ABR: variants seen among roughly 807,000 people sequenced by gnomAD.
The protein encoded by ABR is active breakpoint cluster region-related protein.
In ABR, 35 loss-of-function variants were observed where a neutral mutation model predicts 107.2. The observed-to-expected ratio is 0.33, with a 90% CI of 0.25 to 0.43. The LOEUF is 0.43. Among genes scored for constraint, ABR ranks in the 20% least tolerant of loss-of-function variants. ABR has a pLI of 1.00. For missense variants in ABR, 815 were observed against 1,115.2 expected, an observed-to-expected ratio of 0.73 and a Z score of 3.83; for synonymous variants, 498 against 462.0, an observed-to-expected ratio of 1.08 and a Z score of -1.00.
At chr17:1,144,220 C>T (rs748357133) in intron 1 of ABR, among the ~76,000 whole-genome samples, 6 of 152,148 alleles carry the variant, frequency 3.9e-5, no homozygotes, top group African/African-American at 9.7e-5. Flanking sequence ...ATATTGCAGA[C>T]GGGCCGTATA....
chr17:1,168,952 C>T (rs1414011133), intron 1 of ABR, among the ~76,000 whole-genome samples: 1 of 152,254 alleles, frequency 6.6e-6, no homozygotes, highest in Non-Finnish European at 1.5e-5. Flanking sequence ...ACGGGGTCTG[C>T]AAGACGCTTG....
chr17:1,079,193 GCGCTCACACA>G (rs2036002732), intron 6 of ABR, 127 bp downstream of exon 6: 10 of 1,480,640 alleles, frequency 6.8e-6, no homozygotes, highest in Admixed American at 2.1e-5. Context: ...ACACTCACAC[GCGCTCACACA>G]CGCTCACGCT....
chr17:1,181,650 C>T (rs548872484), upstream of ABR, among the ~76,000 whole-genome samples: 5 of 152,172 alleles, frequency 3.3e-5, no homozygotes, highest in Admixed American at 1.3e-4. Flanking sequence ...GGGAAGGGAA[C>T]GAGCAGGCTC....
intron 1 of ABR, chr17:1,153,950 G>C: frequency 6.1e-6 from 1 of 163,704 alleles, no homozygotes; most frequent in Non-Finnish European, 1.3e-5. Context: ...TCCCGCTCCA[G>C]CCTGCCAGGC....
chr17:1,194,690 G>T (rs2042513622), intron 1 of ABR, among the ~76,000 whole-genome samples: 1 of 123,396 alleles, frequency 8.1e-6, no homozygotes, highest in Non-Finnish European at 1.7e-5. Flanking sequence ...GTCTCGCTCT[G>T]TTGCCCAGGC....
chr17:1,140,200 G>A (rs1296233939), intron 1 of ABR, among the ~76,000 whole-genome samples: 2 of 152,242 alleles, frequency 1.3e-5, no homozygotes, highest in Non-Finnish European at 2.9e-5. Context: ...GGCGATGGGA[G>A]AGTTGACTGA....
chr17:1,009,467 T>C (rs561115358), intron 21 of ABR, among the ~76,000 whole-genome samples: 3 of 152,242 alleles, frequency 2.0e-5, no homozygotes, highest in Admixed American at 6.5e-5. Context: ...CAGAAAAACA[T>C]GAGTGCAAGA....
In ABR at chr17:1,085,719, T is replaced by G. The variant is rs114944134; in HGVS notation, c.532-2092A>C. ...CACAGTGGGTTCCAAAGCCTTAGTA[T>G]GTAAAAGAGAATGTAAATTACCTCG... On this transcript the variant is annotated intron_variant, in intron 4 of 22. Transcript: ENST00000302538. Among the ~76,000 whole-genome samples, 524 of 152,320 alleles carry G rather than the reference T, an allele frequency of 3.4e-3. 3 individuals are homozygous for G. Among genetic ancestry groups the G allele is most frequent in the African/African-American group, 0.012 (488 of 41,562 alleles).
intron 10 of ABR, among the ~76,000 whole-genome samples, 198 bp downstream of exon 10, chr17:1,066,879 T>G (rs938350955): frequency 7.9e-5 from 12 of 152,128 alleles, no homozygotes; most frequent in Non-Finnish European, 1.5e-5. Context: ...TCCAGGGCAC[T>G]TCCCATGTTA....
intron 3 of ABR, among the ~76,000 whole-genome samples, chr17:1,099,496 T>C (rs766472087): frequency 3.9e-5 from 6 of 152,180 alleles, no homozygotes; most frequent in Non-Finnish European, 8.8e-5. Flanking sequence ...TACTTAAATG[T>C]GCATCTTAGA....
intron 1 of ABR, among the ~76,000 whole-genome samples, chr17:1,202,255 C>G (rs1040496927): frequency 6.6e-6 from 1 of 152,028 alleles, no homozygotes; most frequent in Non-Finnish European, 1.5e-5. Flanking sequence ...CTCCAACTCC[C>G]GACCTCAGGT....
rs181012924 is a variant in ABR at position 1,207,418 on chromosome 17, G to A, written c.838+21375C>T. 7.3e-3 allele frequency among the ~76,000 whole-genome samples: 1,106 copies of A among 152,158 alleles called. 14 individuals carry two copies. Among genetic ancestry groups the A allele is most frequent in the African/African-American group, 0.025 (1,055 of 41,512 alleles). On this transcript the variant is annotated intron_variant, in intron 1 of 22. Coordinates refer to the ABR transcript ENST00000574139. The stretch of plus-strand genomic sequence containing the variant: ...TAATCCCAGCACTTTGGGAGGCTGA[G>A]GCGGGCGGATCACCTGAGCTCAGGA...
intron 16 of ABR, among the ~76,000 whole-genome samples, chr17:1,047,186 C>G (rs776785559): frequency 1.3e-5 from 2 of 152,260 alleles, no homozygotes; most frequent in Non-Finnish European, 2.9e-5. Context: ...TGAATATCCC[C>G]GAGGGCTGGG....
At chr17:1,172,969 C>T (rs1244592499) in intron 1 of ABR, among the ~76,000 whole-genome samples, 8 of 120,178 alleles carry the variant, frequency 6.7e-5, no homozygotes, top group East Asian at 2.5e-4. Context: ...ATCACCTCAG[C>T]CCACCCAACA....
intron 2 of ABR, among the ~76,000 whole-genome samples, chr17:1,123,598 GC>G (rs1420331246): frequency 6.6e-6 from 1 of 152,182 alleles, no homozygotes; most frequent in African/African-American, 2.4e-5. Flanking sequence ...GGGAGGTGGC[GC>G]GGGGACAGGC....
At chr17:1,173,265 CAACACATCA>C in intron 1 of ABR, among the ~76,000 whole-genome samples, 2 of 138,530 alleles carry the variant, frequency 1.4e-5, no homozygotes, top group Admixed American at 7.2e-5. Context: ...TCAGCCCACC[CAACACATCA>C]CCTCAGCCCA....
chr17:1,098,267 G>A (rs991104062), intron 3 of ABR, among the ~76,000 whole-genome samples: 10 of 151,848 alleles, frequency 6.6e-5, no homozygotes, highest in Non-Finnish European at 1.0e-4. Flanking sequence ...TAGTAGAGAC[G>A]GGGTTTCACC....
chr17:1,093,552 G>A (rs758826715), intron 3 of ABR, among the ~76,000 whole-genome samples: 7 of 152,110 alleles, frequency 4.6e-5, no homozygotes, highest in Admixed American at 1.3e-4. Context: ...GGTCAGATTC[G>A]GGCTCACTAG....
At chr17:1,180,364 C>T (rs1598072208), upstream of ABR, among the ~76,000 whole-genome samples, 1 of 152,144 alleles carries the variant, frequency 6.6e-6, no homozygotes, top group African/African-American at 2.4e-5. Flanking sequence ...GGGCCCCTCC[C>T]CAGCCAGACC....
Sources: gnomAD v4.1 joint callset for allele counts (sites outside exome capture counted in the v4.1 genomes callset) on GRCh38, gnomAD v4.1.1 for gene constraint, MANE v1.5 for transcripts, NCBI Gene and HGNC (gene_info 2026-07-23, HGNC 2026-07-21) for gene names.